Variants in STIM2 observed in about 807,000 individuals in gnomAD.
The protein encoded by STIM2 is stromal interaction molecule 2.
Under a neutral mutation model 85.8 loss-of-function variants are expected in STIM2, and 31 were observed. The ratio of observed to expected loss-of-function variants is 0.36; its 90% CI spans 0.27 to 0.49. STIM2 has a LOEUF of 0.49. STIM2 is among the 20% of genes least tolerant of loss of function. The pLI, the probability that STIM2 is intolerant of heterozygous loss-of-function variation, is 0.98. For missense variants in STIM2, 841 were observed against 927.6 expected (o/e 0.91, Z 1.21); for synonymous variants, 356 against 331.1 (o/e 1.08, Z -0.82).
intron 1 of STIM2, among the ~76,000 whole-genome samples, chr4:26,883,377 G>A (rs926989178): frequency 6.6e-6 from 1 of 152,000 alleles, no homozygotes; most frequent in African/African-American, 2.4e-5. Context: ...CAAGGTCATG[G>A]TAAGGATTAA....
At chr4:26,939,146 G>T (rs544950550) in intron 2 of STIM2, among the ~76,000 whole-genome samples, 1 of 152,140 alleles carries the variant, frequency 6.6e-6, no homozygotes, top group South Asian at 2.1e-4. Context: ...CACTCTAGGG[G>T]CTTGCTTTAG....
intron 3 of STIM2, among the ~76,000 whole-genome samples, chr4:26,959,950 T>C (rs1323706154): frequency 6.6e-6 from 1 of 152,154 alleles, no homozygotes; most frequent in Non-Finnish European, 1.5e-5. Flanking sequence ...TGCAGCTGTA[T>C]GGGATGAAAG....
In STIM2 at chr4:26,930,189, G is replaced by A. The variant is rs368640599; in HGVS notation, c.282+10555G>A. 1.2e-4 allele frequency among the ~76,000 whole-genome samples: 18 copies of A among 152,234 alleles called. No homozygotes were observed. The East Asian group carries it at 2.3e-3, about 20-fold the overall frequency. ...AAGGCTGCACGGTCTGTCAATTTTAGTGAAATTTTGGAAAGTGTAGGTATT... is the reference window on the plus strand; with the variant it reads ...AAGGCTGCACGGTCTGTCAATTTTAATGAAATTTTGGAAAGTGTAGGTATT... On this transcript the variant is annotated intron_variant, in intron 2 of 11. Transcript: ENST00000467087.
chr4:26,986,274 C>T (rs915906977), intron 3 of STIM2, among the ~76,000 whole-genome samples: 5 of 152,144 alleles, frequency 3.3e-5, no homozygotes, highest in African/African-American at 9.7e-5. Flanking sequence ...TTTGGTACTA[C>T]TATTATTAAC....
intron 1 of STIM2, among the ~76,000 whole-genome samples, chr4:26,905,253 T>A (rs1230097083): frequency 6.6e-6 from 1 of 152,142 alleles, no homozygotes; most frequent in Non-Finnish European, 1.5e-5. Context: ...CATATTGAGA[T>A]AAAAAGTAGT....
intron 3 of STIM2, among the ~76,000 whole-genome samples, chr4:26,974,908 C>G (rs1275951511): frequency 6.6e-6 from 1 of 152,128 alleles, no homozygotes; most frequent in Non-Finnish European, 1.5e-5. Context: ...TCACATAGTT[C>G]CATATTTCTT....
chr4:26,882,688 C>T (rs1277303482), intron 1 of STIM2, among the ~76,000 whole-genome samples: 2 of 151,886 alleles, frequency 1.3e-5, no homozygotes, highest in African/African-American at 2.4e-5. Flanking sequence ...TCTTGAACTC[C>T]CAGGCTCAAG....
At chr4:26,883,118 G>A (rs1723090227) in intron 1 of STIM2, among the ~76,000 whole-genome samples, 1 of 151,828 alleles carries the variant, frequency 6.6e-6, no homozygotes. Flanking sequence ...CAAAGTGCTG[G>A]GATTACAGGC....
At chr4:26,948,696 G>A (rs1027387717) in intron 2 of STIM2, among the ~76,000 whole-genome samples, 2 of 152,038 alleles carry the variant, frequency 1.3e-5, no homozygotes, top group Admixed American at 1.3e-4. Flanking sequence ...GAATGTTTTG[G>A]TGCTAAAAGA....
At position 27,023,147 on chromosome 4, in the gene STIM2, G is replaced by A. The variant is rs1285507319; in HGVS notation, c.*151G>A. On this transcript the variant is annotated 3_prime_UTR_variant, in exon 12 of 12. Coordinates refer to ENST00000467087, the MANE Select transcript of STIM2 (RefSeq NM_020860.4). ...ATGCCATAGTGGAACATCCAGAAGG[G>A]CAACTGTCTACTGTCTGCTTATTTA... 2.8e-6 allele frequency: 2 copies of A among 710,816 alleles called. No individual in the cohort carries two copies. The highest frequency in any genetic ancestry group is 4.8e-6 in the Non-Finnish European group (2 of 418,376). The allele number at this position is 710,816 out of a possible 1,614,324, so 44.0% of individuals were successfully genotyped here. A position where few individuals can be genotyped will look rare whatever the true frequency, so the allele number is the denominator to read the frequency against.
At chr4:26,987,633 GT>G (rs1727627942) in intron 3 of STIM2, among the ~76,000 whole-genome samples, 1 of 152,122 alleles carries the variant, frequency 6.6e-6, no homozygotes, top group Non-Finnish European at 1.5e-5. Flanking sequence ...CTTTCGAGCT[GT>G]TAGAGCCCCT....
chr4:26,975,808 T>C (rs1240062952), intron 3 of STIM2, among the ~76,000 whole-genome samples: 4 of 152,204 alleles, frequency 2.6e-5, no homozygotes, highest in Non-Finnish European at 5.9e-5. Context: ...GACATTTAAG[T>C]CTGCAGAAGT....
In STIM2 at chr4:26,919,583, A is replaced by G. The variant is rs549648703; in HGVS notation, c.231A>G (p.Lys77=). ...TGGAAGCTCTTCAAACAATACATAAACAAATGGATGATGACAAAGATGGTG... is the reference window on the plus strand; with the variant it reads ...TGGAAGCTCTTCAAACAATACATAAGCAAATGGATGATGACAAAGATGGTG... The change falls in exon 2 of 12, where the codon AAA becomes AAG. Residue 77 remains lysine (K), a synonymous_variant. Transcript: ENST00000467087. 1 of 1,613,706 alleles carries G rather than the reference A, an allele frequency of 6.2e-7. No individual in the cohort carries two copies. Among genetic ancestry groups the G allele is most frequent in the South Asian group, 1.1e-5 (1 of 91,076 alleles).
intron 3 of STIM2, among the ~76,000 whole-genome samples, chr4:26,960,483 G>A (rs1440838464): frequency 6.6e-6 from 1 of 152,106 alleles, no homozygotes; most frequent in Non-Finnish European, 1.5e-5. Flanking sequence ...CTAGCACAGT[G>A]CATTCACTTT....
intron 10 of STIM2, among the ~76,000 whole-genome samples, chr4:27,012,759 G>A (rs1464702273): frequency 1.3e-5 from 2 of 151,956 alleles, no homozygotes; most frequent in Non-Finnish European, 2.9e-5. Flanking sequence ...AATGCTGCCA[G>A]AATTTCACCA....
intron 2 of STIM2, among the ~76,000 whole-genome samples, chr4:26,938,469 A>G (rs1005569940): frequency 6.6e-6 from 1 of 152,198 alleles, no homozygotes; most frequent in Non-Finnish European, 1.5e-5. Context: ...TACCACAAAA[A>G]CAAAGGTAAC....
chr4:26,976,914 C>G (rs762120864), intron 3 of STIM2, among the ~76,000 whole-genome samples: 14 of 152,136 alleles, frequency 9.2e-5, no homozygotes, highest in Non-Finnish European at 1.6e-4. Flanking sequence ...AGTTAACGCT[C>G]TTTTAGAGAG....
chr4:26,914,983 G>A (rs1724480276), intron 1 of STIM2, among the ~76,000 whole-genome samples: 1 of 152,180 alleles, frequency 6.6e-6, no homozygotes, highest in African/African-American at 2.4e-5. Flanking sequence ...ATTCTCTGAT[G>A]CTGGTGACAC....
intron 7 of STIM2, among the ~76,000 whole-genome samples, chr4:27,004,686 T>C (rs148810596): frequency 4.6e-5 from 7 of 152,274 alleles, no homozygotes; most frequent in African/African-American, 1.7e-4. Context: ...CATGCACACC[T>C]CAGTAGACCC....
Sources: allele counts gnomAD v4.1 joint callset (sites outside exome capture counted in the v4.1 genomes callset), GRCh38; gene constraint gnomAD v4.1.1; transcripts MANE v1.5; gene names NCBI Gene and HGNC (gene_info 2026-07-23, HGNC 2026-07-21).